JAK1: variants seen among roughly 807,000 people sequenced by gnomAD.
The protein encoded by JAK1 is tyrosine-protein kinase JAK1.
Under a neutral mutation model 136.6 loss-of-function variants are expected in JAK1, and 16 were observed. The observed-to-expected ratio is 0.12, with a 90% CI of 0.08 to 0.18. The LOEUF (loss-of-function observed/expected upper bound fraction) is 0.18, where lower values mean the gene tolerates loss of function less well. Among genes scored for constraint, JAK1 ranks in the 10% least tolerant of loss-of-function variants. The pLI is 1.00. For missense variants in JAK1, 859 were observed against 1,450.1 expected (o/e 0.59, Z 6.62); for synonymous variants, 492 against 519.5 (o/e 0.95, Z 0.72).
At chr1:64,869,739 C>T (rs751988056) in intron 5 of JAK1, among the ~76,000 whole-genome samples, 27 of 152,224 alleles carry the variant, frequency 1.8e-4, no homozygotes, top group Admixed American at 2.6e-4. Flanking sequence ...GAAGTCCCTT[C>T]GCCATAGAAG....
At chr1:65,018,846 T>A (rs1646913227) in intron 2 of JAK1, among the ~76,000 whole-genome samples, 1 of 151,856 alleles carries the variant, frequency 6.6e-6, no homozygotes, top group African/African-American at 2.4e-5. Flanking sequence ...CCGTCTCTAC[T>A]AAAAATACGA....
chr1:64,932,932 C>T (rs1645724055), intron 1 of JAK1, among the ~76,000 whole-genome samples: 1 of 151,922 alleles, frequency 6.6e-6, no homozygotes, highest in African/African-American at 2.4e-5. Context: ...TTTTTTCTCC[C>T]AGTTAGAATT....
At chr1:65,029,529 C>G (rs1365754126) in intron 2 of JAK1, among the ~76,000 whole-genome samples, 1 of 152,190 alleles carries the variant, frequency 6.6e-6, no homozygotes, top group African/African-American at 2.4e-5. Flanking sequence ...TTCACTGCAG[C>G]ACTACTCGCC....
At chr1:64,918,364 T>G (rs1394548108) in intron 1 of JAK1, 1 of 152,226 alleles carries the variant, frequency 6.6e-6, no homozygotes, top group Non-Finnish European at 1.5e-5. Context: ...AATTACTTTA[T>G]TCTGAGATAC....
At chr1:64,843,556 A>G (rs537184588) in intron 17 of JAK1, among the ~76,000 whole-genome samples, 10 of 152,270 alleles carry the variant, frequency 6.6e-5, no homozygotes, top group African/African-American at 2.4e-4. Flanking sequence ...TTAGGGTGAC[A>G]CTTTCAGGTA....
At chr1:64,842,278 G>A (rs2780817) in intron 17 of JAK1, among the ~76,000 whole-genome samples, 61,392 of 151,960 alleles carry the variant, frequency 0.4, 13,976 homozygotes, top group African/African-American at 0.63. Flanking sequence ...AGTGATTGCT[G>A]TTTTCTTTTT....
chr1:64,979,488 AG>A (rs1646525452), intron 2 of JAK1: 1 of 152,230 alleles, frequency 6.6e-6, no homozygotes, highest in African/African-American at 2.4e-5. Context: ...CTGCTAGGAG[AG>A]TGATACATAG....
intron 2 of JAK1, among the ~76,000 whole-genome samples, chr1:64,976,236 GCTTTT>G (rs1357378923): frequency 6.6e-6 from 1 of 152,160 alleles, no homozygotes; most frequent in Admixed American, 6.5e-5. Context: ...CTGCAGGTGT[GCTTTT>G]CCAAGGCCAT....
At chr1:64,854,353 C>T (rs1311628985) in intron 11 of JAK1, among the ~76,000 whole-genome samples, 1 of 152,182 alleles carries the variant, frequency 6.6e-6, no homozygotes, top group Non-Finnish European at 1.5e-5. Flanking sequence ...GGCAATCGTG[C>T]TGCTCCTTCT....
Position 64,984,694 on chromosome 1 carries a change from G to T in JAK1, c.-78+59786C>A, listed in dbSNP as rs1334968337. On this transcript the variant is annotated intron_variant, in intron 2 of 25. Coordinates refer to the JAK1 transcript ENST00000671954. This position sits in a 1 kb window ranked among gnomAD's most constrained non-coding sequence, Gnocchi z 4.1. ...CCAGATCTATTTGCATCGTGTGCCT[G>T]CCCCTCAAAGGCCTATGTGATATCC... The T allele has an allele frequency of 4.7e-6, 3 of 637,784 alleles. No homozygotes were observed. The highest frequency in any genetic ancestry group is 3.7e-5 in the African/African-American group (2 of 53,948). 39.5% of individuals were successfully genotyped at this position (637,784 alleles called of 1,614,324 possible). A position where few individuals can be genotyped will look rare whatever the true frequency, so the allele number is the denominator to read the frequency against.
In JAK1 at chr1:64,977,189, G is replaced by T. The variant is rs183533318; in HGVS notation, c.-78+67291C>A. 2.6e-5 allele frequency among the ~76,000 whole-genome samples: 4 copies of T among 151,586 alleles called. No homozygotes were observed. The South Asian group carries it at 8.4e-4, about 32-fold the overall frequency. The stretch of plus-strand genomic sequence containing the variant: ...TGTTGAGATAGGATCTCCCTCTGTC[G>T]CCCAAGCTGGAGTGTAGTGGCACAA... On this transcript the variant is annotated intron_variant, in intron 2 of 25. Transcript: ENST00000671954.
intron 2 of JAK1, among the ~76,000 whole-genome samples, chr1:65,016,047 T>C (rs1569882579): frequency 6.6e-6 from 1 of 152,226 alleles, no homozygotes; most frequent in Admixed American, 6.5e-5. Context: ...TGCCCCATGG[T>C]AGATAAACCT....
At chr1:64,858,418 CATT>C (rs1422324738) in intron 9 of JAK1, among the ~76,000 whole-genome samples, 2 of 152,184 alleles carry the variant, frequency 1.3e-5, no homozygotes, top group South Asian at 2.1e-4. Flanking sequence ...GAGACAGGGA[CATT>C]GTGTACTTTC....
chr1:64,855,090 C>T lies in JAK1; in HGVS notation c.1648+419G>A, dbSNP rs560690953. Among the ~76,000 whole-genome samples the T allele has an allele frequency of 5.9e-5, 9 of 152,340 alleles. No individual in the cohort carries two copies. The South Asian group carries it at 1.7e-3, about 28-fold the overall frequency. On this transcript the variant is annotated intron_variant, in intron 11 of 24. Coordinates refer to ENST00000342505, the MANE Select transcript of JAK1 (RefSeq NM_002227.4). ...AACATCAGCATTAGGCTGGGAAACC[C>T]CCAGAGAGCAGGGACTGGACCTTAT...
intron 2 of JAK1, among the ~76,000 whole-genome samples, chr1:65,012,995 T>G (rs1409628479): frequency 6.7e-6 from 1 of 149,044 alleles, no homozygotes; most frequent in East Asian, 2.0e-4. Flanking sequence ...ACTCTGGAGG[T>G]TGAGGCAGGA....
intron 1 of JAK1, among the ~76,000 whole-genome samples, chr1:64,965,764 G>A (rs1646362238): frequency 6.6e-6 from 1 of 152,242 alleles, no homozygotes; most frequent in Non-Finnish European, 1.5e-5. Flanking sequence ...AACCTAAGAG[G>A]GGAGGGGGCG....
intron 1 of JAK1, among the ~76,000 whole-genome samples, chr1:64,905,317 A>T (rs1645173007): frequency 2.6e-5 from 4 of 152,242 alleles, no homozygotes; most frequent in Admixed American, 2.6e-4. Context: ...TGGGAATCCA[A>T]GCAGATATCT....
intron 21 of JAK1, 97 bp from the exon 22 acceptor site, chr1:64,838,201 C>A: frequency 7.9e-7 from 1 of 1,263,308 alleles, no homozygotes; most frequent in Non-Finnish European, 1.1e-6. Flanking sequence ...TCATTTCATT[C>A]ACATATCACT....
At position 64,879,107 on chromosome 1, in the gene JAK1, C is replaced by G; in HGVS notation, c.247G>C (p.Glu83Gln). The change falls in exon 4 of 25, where the codon GAG becomes CAG. Residue 83 changes from glutamate to glutamine, a missense_variant. Coordinates refer to ENST00000342505, the MANE Select transcript of JAK1 (RefSeq NM_002227.4). ...GGAGCATACCAGAGCTTGGTGTTCT[C>G]GTCATACAGGGCAAAGAGGTTGTGA... ...LCHNLFALYD[E>Q]NTKLWYAPNR... 1 of 1,613,772 alleles carries G rather than the reference C, an allele frequency of 6.2e-7. No individual in the cohort carries two copies. Among genetic ancestry groups the G allele is most frequent in the Non-Finnish European group, 8.5e-7 (1 of 1,179,896 alleles).
Sources: allele counts gnomAD v4.1 joint callset (sites outside exome capture counted in the v4.1 genomes callset), GRCh38; gene constraint gnomAD v4.1.1; non-coding constraint Gnocchi (gnomAD v3.1); transcripts MANE v1.5; gene names NCBI Gene and HGNC (gene_info 2026-07-23, HGNC 2026-07-21).